MAPRE2: variants seen among roughly 807,000 people sequenced by gnomAD.
MAPRE2 encodes microtubule associated protein RP/EB family member 2, also known as microtubule-associated protein RP/EB family member 2.
A neutral mutation model predicts 43.2 loss-of-function variants in MAPRE2; 13 were observed. The observed-to-expected ratio is 0.30, with a 90% CI of 0.20 to 0.48. The LOEUF is 0.48. Among genes scored for constraint, MAPRE2 ranks in the 20% least tolerant of loss-of-function variants. MAPRE2 has a pLI of 0.99. For missense variants in MAPRE2, 161 were observed against 400.2 expected (o/e 0.40, Z 5.10); for synonymous variants, 135 against 148.8 (o/e 0.91, Z 0.68).
Position 35,140,340 on chromosome 18 carries a change from C to T in MAPRE2, c.955C>T (p.Gln319Ter), listed in dbSNP as rs1438854082. The T allele has an allele frequency of 2.5e-6, 4 of 1,613,778 alleles. No homozygotes were observed. The highest frequency in any genetic ancestry group is 3.3e-5 in the Admixed American group (2 of 60,002). The stretch of plus-strand genomic sequence containing the variant: ...GGAAGCAGAGGAGCAAGCCCACGAA[C>T]AGCAGCCCCCGCAGCAGGAAGAGTA... ...EPEAEEQAHE[Q>*]QPPQQEEY Residue 319 changes from glutamine (Q) to a stop codon, truncating the protein, a stop_gained, in exon 7 of 7, where the codon CAG becomes TAG. Transcript: ENST00000300249. LOFTEE classifies it high-confidence loss of function.
intron 4 of MAPRE2, among the ~76,000 whole-genome samples, chr18:35,117,306 C>G (rs996750781): frequency 9.9e-5 from 15 of 152,270 alleles, no homozygotes; most frequent in Non-Finnish European, 1.8e-4. Flanking sequence ...GGCCTCAGAC[C>G]GTGTCTCTCT....
At chr18:35,117,245 C>G (rs908509557) in intron 4 of MAPRE2, among the ~76,000 whole-genome samples, 1 of 152,326 alleles carries the variant, frequency 6.6e-6, no homozygotes, top group African/African-American at 2.4e-5. Flanking sequence ...GCCTGGTGAG[C>G]ATGGGGCTCA....
chr18:35,108,099 C>G (rs894912082), intron 4 of MAPRE2, among the ~76,000 whole-genome samples: 1 of 151,744 alleles, frequency 6.6e-6, no homozygotes, highest in Non-Finnish European at 1.5e-5. Flanking sequence ...ACCTATTGAC[C>G]AGTCCTCTAA....
chr18:35,004,144 C>T (rs1008779560), intron 1 of MAPRE2, among the ~76,000 whole-genome samples: 2 of 151,886 alleles, frequency 1.3e-5, no homozygotes, highest in African/African-American at 4.8e-5. Flanking sequence ...CTTTTTTTAA[C>T]TAAACATCTC....
chr18:35,095,867 T>C (rs1382358361), intron 2 of MAPRE2, among the ~76,000 whole-genome samples: 2 of 152,118 alleles, frequency 1.3e-5, no homozygotes, highest in Non-Finnish European at 2.9e-5. Flanking sequence ...TGATTTGTTT[T>C]ATTTTGTCTT....
At chr18:35,137,643 C>A (rs1174445256) in intron 6 of MAPRE2, among the ~76,000 whole-genome samples, 1 of 152,144 alleles carries the variant, frequency 6.6e-6, no homozygotes, top group Non-Finnish European at 1.5e-5. Context: ...TGGAAGACAC[C>A]ACACTCACGT....
intron 4 of MAPRE2, among the ~76,000 whole-genome samples, chr18:35,114,852 G>A (rs1442965126): frequency 2.6e-5 from 4 of 152,170 alleles, no homozygotes; most frequent in African/African-American, 9.7e-5. Flanking sequence ...GTGCTCATCT[G>A]ATGGATCATT....
At chr18:35,135,621 G>A (rs748384602) in intron 6 of MAPRE2, among the ~76,000 whole-genome samples, 79 of 152,360 alleles carry the variant, frequency 5.2e-4, no homozygotes, top group Middle Eastern at 6.8e-3. Flanking sequence ...AATGTGCTTA[G>A]TGGTTACGAT....
intron 1 of MAPRE2, among the ~76,000 whole-genome samples, chr18:35,063,716 G>A (rs151203645): frequency 2.1e-4 from 32 of 152,152 alleles, no homozygotes; most frequent in African/African-American, 7.2e-4. Context: ...AAGTCAGGCT[G>A]GGTACTGTGG....
At chr18:35,119,276 G>A (rs1425759314) in intron 4 of MAPRE2, among the ~76,000 whole-genome samples, 1 of 152,154 alleles carries the variant, frequency 6.6e-6, no homozygotes, top group East Asian at 1.9e-4. Flanking sequence ...GAAACTGGAG[G>A]AAGACCCATA....
chr18:35,053,613 A>G (rs970060789), intron 1 of MAPRE2, among the ~76,000 whole-genome samples: 4 of 151,838 alleles, frequency 2.6e-5, no homozygotes, highest in African/African-American at 9.7e-5. Flanking sequence ...TTTTCTTTGT[A>G]TTGTGTGTCC....
chr18:35,035,278 C>T (rs970690042), intron 2 of MAPRE2, among the ~76,000 whole-genome samples: 2 of 151,244 alleles, frequency 1.3e-5, no homozygotes, highest in African/African-American at 4.9e-5. Flanking sequence ...AACCAAACAC[C>T]GCATGTTCTC....
intron 1 of MAPRE2, among the ~76,000 whole-genome samples, chr18:34,987,831 C>T (rs1191740610): frequency 2.0e-5 from 3 of 151,940 alleles, no homozygotes; most frequent in East Asian, 1.9e-4. Context: ...TTTGTAGAGA[C>T]GGGGTTTCAC....
At chr18:35,002,031 C>T (rs957197505) in intron 1 of MAPRE2, among the ~76,000 whole-genome samples, 2 of 152,132 alleles carry the variant, frequency 1.3e-5, no homozygotes, top group Non-Finnish European at 2.9e-5. Flanking sequence ...AGGTTCAGAA[C>T]ATTTCCATCA....
At chr18:35,127,166 G>A in intron 5 of MAPRE2, 79 bp downstream of exon 5, 1 of 1,465,630 alleles carries the variant, frequency 6.8e-7, no homozygotes, top group Non-Finnish European at 9.4e-7. Flanking sequence ...CCCTAGGACT[G>A]GGGTAAGGGA....
At chr18:35,104,272 A>G (rs1420646081) in intron 4 of MAPRE2, among the ~76,000 whole-genome samples, 2 of 152,216 alleles carry the variant, frequency 1.3e-5, no homozygotes, top group Non-Finnish European at 2.9e-5. Context: ...ATAGGCCTAG[A>G]TTGCAGCAAT....
At chr18:35,100,633 A>G (rs1466706524) in intron 3 of MAPRE2, among the ~76,000 whole-genome samples, 1 of 152,258 alleles carries the variant, frequency 6.6e-6, no homozygotes, top group Non-Finnish European at 1.5e-5. Flanking sequence ...CTAGGAAGCC[A>G]TAAAAAGTAT....
chr18:35,041,428 G>T lies in MAPRE2; in HGVS notation c.-112G>T, dbSNP rs909942951. 46 of 1,572,992 alleles carry T rather than the reference G, an allele frequency of 2.9e-5. No homozygotes were observed. Among genetic ancestry groups the T allele is most frequent in the Non-Finnish European group, 3.7e-5 (43 of 1,159,746 alleles). ...CGAGAGCTGGGAGAAGGCAGTGAGC[G>T]AGCAGGCGGCAGGCACGGTCCGTGC... is the stretch of plus-strand genomic sequence containing the variant. On this transcript the variant is annotated 5_prime_UTR_variant, in exon 1 of 7. Transcript: ENST00000300249.
chr18:35,130,249 T>G (rs1910088144), intron 5 of MAPRE2, among the ~76,000 whole-genome samples: 2 of 152,230 alleles, frequency 1.3e-5, no homozygotes, highest in African/African-American at 4.8e-5. Context: ...GAGGTTGGTT[T>G]GTTTTAAAGC....
Sources: allele counts gnomAD v4.1 joint callset (sites outside exome capture counted in the v4.1 genomes callset), GRCh38; gene constraint gnomAD v4.1.1; transcripts MANE v1.5; gene names NCBI Gene and HGNC (gene_info 2026-07-23, HGNC 2026-07-21).